The following KLF12 variants were observed in gnomAD, a reference collection of about 807,000 sequenced individuals.
KLF12 encodes Krueppel-like factor 12.
A neutral mutation model predicts 37.8 loss-of-function variants in KLF12; 9 were observed. The ratio of observed to expected loss-of-function variants is 0.24; its 90% CI spans 0.14 to 0.42. The LOEUF (loss-of-function observed/expected upper bound fraction) is 0.42. Ranked by LOEUF, KLF12 falls within the 10% of genes least tolerant of loss-of-function variation. The pLI, the probability that KLF12 is intolerant of heterozygous loss-of-function variation, is 1.00. For synonymous variants in KLF12, 208 were observed against 202.1 expected (o/e 1.03, Z -0.25); for missense variants, 411 against 516.0 (o/e 0.80, Z 1.97).
intron 3 of KLF12, among the ~76,000 whole-genome samples, chr13:73,847,013 AATG>A (rs146739807): frequency 7.2e-5 from 11 of 152,300 alleles, no homozygotes; most frequent in African/African-American, 2.4e-4. Context: ...AATCTGAAAT[AATG>A]ATGATAATGT....
chr13:73,974,299 G>A (rs1891439062), intron 2 of KLF12, among the ~76,000 whole-genome samples: 1 of 103,008 alleles, frequency 9.7e-6, no homozygotes, highest in Admixed American at 9.6e-5. Flanking sequence ...TTAAGTCACT[G>A]AACTTCAAGA....
intron 1 of KLF12, among the ~76,000 whole-genome samples, chr13:74,067,237 T>C (rs906343914): frequency 2.8e-4 from 42 of 152,218 alleles, no homozygotes; most frequent in Non-Finnish European, 1.2e-4. Flanking sequence ...CTGCAAAGCA[T>C]GTACATCAGA....
chr13:74,123,646 ATTCT>A (rs1877768111), intron 1 of KLF12, among the ~76,000 whole-genome samples: 1 of 152,194 alleles, frequency 6.6e-6, no homozygotes, highest in Admixed American at 6.5e-5. Context: ...TTACATATGG[ATTCT>A]TTCTACCTTT....
chr13:73,996,887 G>A (rs1398337261), intron 1 of KLF12, among the ~76,000 whole-genome samples: 1 of 152,140 alleles, frequency 6.6e-6, no homozygotes. Flanking sequence ...ACTAGGAGAA[G>A]ACATAAGGAT....
At chr13:74,216,181 G>A in the KLF12 span, among the ~76,000 whole-genome samples, 2 of 152,068 alleles carry the variant, frequency 1.3e-5, no homozygotes, top group East Asian at 1.9e-4. Context: ...TTGAAATCAC[G>A]TTTCCACTTT....
chr13:74,149,896 G>A, the KLF12 span, among the ~76,000 whole-genome samples: 78 of 152,146 alleles, frequency 5.1e-4, 1 homozygote, highest in Non-Finnish European at 1.6e-4. Flanking sequence ...CATCTGCCTC[G>A]GGGACTCTGC....
At chr13:74,123,030 T>C (rs921405706) in intron 1 of KLF12, among the ~76,000 whole-genome samples, 5 of 149,344 alleles carry the variant, frequency 3.3e-5, no homozygotes, top group African/African-American at 1.2e-4. Context: ...ATCAGAATAA[T>C]ATATTTGTAA....
At chr13:74,137,092 TAAAGA>T (rs1348962442), upstream of KLF12, among the ~76,000 whole-genome samples, 2 of 152,276 alleles carry the variant, frequency 1.3e-5, no homozygotes, top group African/African-American at 4.8e-5. Flanking sequence ...AATTTAGATT[TAAAGA>T]AAAGTAAGGT....
chr13:74,109,404 A>AT (rs1876850698), intron 1 of KLF12, among the ~76,000 whole-genome samples: 1 of 152,084 alleles, frequency 6.6e-6, no homozygotes, highest in African/African-American at 2.4e-5. Flanking sequence ...GTAATTGATT[A>AT]TTTTTAAAAG....
chr13:73,781,129 C>T (rs939471431), intron 5 of KLF12, among the ~76,000 whole-genome samples: 2 of 152,124 alleles, frequency 1.3e-5, no homozygotes, highest in African/African-American at 4.8e-5. Context: ...GGTCTTGCCT[C>T]CAGCAAAAAG....
chr13:74,299,795 G>T, the KLF12 span, among the ~76,000 whole-genome samples: 2 of 151,962 alleles, frequency 1.3e-5, no homozygotes, highest in Non-Finnish European at 2.9e-5. Context: ...CTTTTTTAAG[G>T]CTCAAGTATT....
chr13:73,850,249 T>C (rs886219571), intron 3 of KLF12, among the ~76,000 whole-genome samples: 1 of 152,246 alleles, frequency 6.6e-6, no homozygotes, highest in Non-Finnish European at 1.5e-5. Context: ...ATATTACATA[T>C]AACATTCCAG....
At chr13:73,878,738 G>C (rs1191909848) in intron 3 of KLF12, among the ~76,000 whole-genome samples, 1 of 152,178 alleles carries the variant, frequency 6.6e-6, no homozygotes, top group Non-Finnish European at 1.5e-5. Flanking sequence ...CTGATAAAGT[G>C]AGACGTGATC....
chr13:74,151,165 G>C, the KLF12 span, among the ~76,000 whole-genome samples: 1 of 152,182 alleles, frequency 6.6e-6, no homozygotes, highest in Admixed American at 6.5e-5. Flanking sequence ...TAGAGAATTT[G>C]CCTTAGAGCA....
intron 1 of KLF12, among the ~76,000 whole-genome samples, chr13:74,002,186 C>A (rs148900178): frequency 6.6e-6 from 1 of 152,066 alleles, no homozygotes; most frequent in Non-Finnish European, 1.5e-5. Flanking sequence ...TATGTATCTC[C>A]GAATCTGCTC....
At chr13:73,943,758 T>C (rs920101152) in intron 3 of KLF12, among the ~76,000 whole-genome samples, 2 of 152,268 alleles carry the variant, frequency 1.3e-5, no homozygotes, top group Middle Eastern at 3.2e-3. Context: ...AATGTCACTA[T>C]GCCTTCCAAA....
At chr13:73,954,069 C>G (rs928315308) in intron 2 of KLF12, among the ~76,000 whole-genome samples, 1 of 144,934 alleles carries the variant, frequency 6.9e-6, no homozygotes, top group Non-Finnish European at 1.5e-5. Flanking sequence ...AGCTCCACCT[C>G]CCGGGTTCAC....
chr13:74,042,759 C>G (rs1310939269), intron 1 of KLF12, among the ~76,000 whole-genome samples: 1 of 152,162 alleles, frequency 6.6e-6, no homozygotes. Flanking sequence ...GTCATTCAAT[C>G]AGACAGATAA....
In KLF12 at chr13:73,687,377, C is replaced by A. The variant is rs1327398331; in HGVS notation, c.*8113G>T. On this transcript the variant is annotated 3_prime_UTR_variant, in exon 8 of 8. Coordinates refer to ENST00000377669, the MANE Select transcript of KLF12 (RefSeq NM_007249.5). ...TGATTTTTCAAAATGAAGCTTTAAA[C>A]ACAACAAATCGTGGACAGACACGTT... 1 of 152,588 alleles carries A rather than the reference C, an allele frequency of 6.6e-6. No homozygotes were observed. The highest frequency in any genetic ancestry group is 1.5e-5 in the Non-Finnish European group (1 of 68,032). The allele number at this position is 152,588 out of a possible 1,614,324, so 9.5% of individuals were successfully genotyped here.
Sources: gnomAD v4.1 joint callset for allele counts (sites outside exome capture counted in the v4.1 genomes callset) on GRCh38, gnomAD v4.1.1 for gene constraint, MANE v1.5 for transcripts, NCBI Gene and HGNC (gene_info 2026-07-23, HGNC 2026-07-21) for gene names.